The following SNAPC1 variants were observed in gnomAD, a reference collection of about 807,000 sequenced individuals.
The protein encoded by SNAPC1 is small nuclear RNA activating complex polypeptide 1.
SNAPC1 carries 42 observed loss-of-function variants against 50.1 expected under a neutral mutation model. That is an observed-to-expected ratio of 0.84 (90% confidence interval 0.65 to 1.08). The LOEUF (loss-of-function observed/expected upper bound fraction) is 1.08, where lower values mean the gene tolerates loss of function less well. Ranked by LOEUF, SNAPC1 falls within the 50% of genes least tolerant of loss-of-function variation. The pLI is 0.00. For missense variants in SNAPC1, 477 were observed against 427.3 expected (o/e 1.12, Z -1.02); for synonymous variants, 164 against 144.2 (o/e 1.14, Z -0.98).
At chr14:61,781,532 C>T (rs2045072911) in intron 7 of SNAPC1, among the ~76,000 whole-genome samples, 1 of 151,106 alleles carries the variant, frequency 6.6e-6, no homozygotes, top group Non-Finnish European at 1.5e-5. Flanking sequence ...AAATTCTTTG[C>T]TTAAGCAAGT....
chr14:61,794,880 C>A, intron 9 of SNAPC1, 69 bp from the exon 10 acceptor site: 3 of 1,008,892 alleles, frequency 3.0e-6, no homozygotes, highest in South Asian at 1.3e-5. Context: ...ATGTAAGTGT[C>A]AGTTGTTTTT....
chr14:61,763,212 C>T (rs1237764941), intron 1 of SNAPC1, among the ~76,000 whole-genome samples: 1 of 141,010 alleles, frequency 7.1e-6, no homozygotes, highest in African/African-American at 2.8e-5. Flanking sequence ...AGACTGGCCT[C>T]GAACTCCTGA....
chr14:61,778,777 A>G, intron 6 of SNAPC1, 71 bp from the exon 7 acceptor site: 1 of 876,382 alleles, frequency 1.1e-6, no homozygotes, highest in South Asian at 1.5e-5. Flanking sequence ...GATAATAAAT[A>G]CTTGGGTATT....
chr14:61,779,054 TC>T (rs1489688328), intron 7 of SNAPC1, 144 bp downstream of exon 7: 2 of 534,062 alleles, frequency 3.7e-6, no homozygotes, highest in Admixed American at 8.5e-5. Context: ...AGTCCCCTTC[TC>T]TGCCACTTCC....
chr14:61,781,154 T>G (rs1188046115), intron 7 of SNAPC1, among the ~76,000 whole-genome samples: 2 of 151,980 alleles, frequency 1.3e-5, no homozygotes, highest in African/African-American at 4.8e-5. Context: ...CGTGGTTGCT[T>G]TTTAAGAATT....
intron 7 of SNAPC1, among the ~76,000 whole-genome samples, chr14:61,780,158 C>G (rs2045061831): frequency 6.6e-6 from 1 of 152,140 alleles, no homozygotes. Context: ...ACTCCCTTGT[C>G]TAGGGGAGGA....
intron 8 of SNAPC1, among the ~76,000 whole-genome samples, chr14:61,789,165 A>C (rs1316766874): frequency 2.0e-5 from 3 of 147,862 alleles, no homozygotes; most frequent in South Asian, 2.3e-4. Flanking sequence ...CAGGAGACGG[A>C]GGTTGCAGTG....
At chr14:61,782,518 G>A (rs2045083345) in intron 8 of SNAPC1, 121 bp downstream of exon 8, 1 of 657,328 alleles carries the variant, frequency 1.5e-6, no homozygotes, top group African/African-American at 1.8e-5. Flanking sequence ...ATTTTTGTGA[G>A]ATTTAATATT....
intron 8 of SNAPC1, among the ~76,000 whole-genome samples, chr14:61,787,582 A>G (rs2045124111): frequency 6.6e-6 from 1 of 152,264 alleles, no homozygotes; most frequent in Non-Finnish European, 1.5e-5. Context: ...AGTGAGGTAC[A>G]GAACAGCTGG....
chr14:61,774,016 T>A (rs1161236436), intron 4 of SNAPC1, among the ~76,000 whole-genome samples: 2 of 152,192 alleles, frequency 1.3e-5, no homozygotes, highest in Non-Finnish European at 2.9e-5. Flanking sequence ...GCCCCCAGTT[T>A]TAAAAATAAG....
intron 1 of SNAPC1, among the ~76,000 whole-genome samples, chr14:61,764,319 G>C (rs1019837470): frequency 1.3e-5 from 2 of 152,120 alleles, no homozygotes; most frequent in Admixed American, 1.3e-4. Flanking sequence ...AACTTTTTCT[G>C]AACAAAATGT....
intron 4 of SNAPC1, among the ~76,000 whole-genome samples, chr14:61,774,648 A>ATTTTTTTTTTTT (rs35300490): frequency 1.1e-5 from 1 of 90,960 alleles, no homozygotes; most frequent in Non-Finnish European, 2.3e-5. Context: ...TCAGTTTCTC[A>ATTTTTTTTTTTT]TTTTTTTTTT....
intron 1 of SNAPC1, among the ~76,000 whole-genome samples, chr14:61,766,161 C>G (rs1272505153): frequency 6.6e-6 from 1 of 152,216 alleles, no homozygotes; most frequent in Non-Finnish European, 1.5e-5. Context: ...ATGTTCTTAG[C>G]TCCCACAATT....
intron 8 of SNAPC1, among the ~76,000 whole-genome samples, chr14:61,783,188 AATTTTTTTTTGT>A (rs2045090124): frequency 6.8e-6 from 1 of 146,934 alleles, no homozygotes; most frequent in African/African-American, 2.5e-5. Context: ...ATACCCAGCT[AATTTTTTTTTGT>A]ATTTTTTTTT....
At chr14:61,794,708 G>A (rs1052278307) in intron 9 of SNAPC1, among the ~76,000 whole-genome samples, 2 of 152,122 alleles carry the variant, frequency 1.3e-5, no homozygotes, top group Non-Finnish European at 2.9e-5. Context: ...GCACCTGGCC[G>A]ATAGTATGTT....
Position 61,762,679 on chromosome 14 carries a change from G to T in SNAPC1, c.128+91G>T, listed in dbSNP as rs1292612704. 3.4e-6 allele frequency: 5 copies of T among 1,459,800 alleles called. No individual in the cohort carries two copies. The East Asian group carries it at 1.2e-4, about 34-fold the overall frequency. The allele number at this position is 1,459,800 out of a possible 1,614,324, so 90.4% of individuals were successfully genotyped here. On this transcript the variant is annotated intron_variant, in intron 1 of 9. Coordinates refer to ENST00000216294, the MANE Select transcript of SNAPC1 (RefSeq NM_003082.4). Reference sequence around the variant, plus strand: ...CCCGGCGATATTGCACTTGTGAAGGGCTGAGAAGAGCGGCAGTCACCGAAG... The same window carrying T: ...CCCGGCGATATTGCACTTGTGAAGGTCTGAGAAGAGCGGCAGTCACCGAAG...
At chr14:61,794,842 A>G in intron 9 of SNAPC1, 107 bp from the exon 10 acceptor site, 1 of 770,908 alleles carries the variant, frequency 1.3e-6, no homozygotes, top group Non-Finnish European at 2.3e-6. Flanking sequence ...TATGTAGTTG[A>G]AATGTGTATT....
At chr14:61,785,378 C>T (rs529868430) in intron 8 of SNAPC1, among the ~76,000 whole-genome samples, 5 of 151,916 alleles carry the variant, frequency 3.3e-5, no homozygotes, top group Non-Finnish European at 5.9e-5. Context: ...CCTTTGCGCT[C>T]CAACCTGGGC....
At position 61,795,501 on chromosome 14, in the gene SNAPC1, C is replaced by A. The variant is rs1450079705; in HGVS notation, c.*518C>A. 1 of 145,162 alleles carries A rather than the reference C, an allele frequency of 6.9e-6. No individual in the cohort carries two copies. The highest frequency in any genetic ancestry group is 2.6e-5 in the African/African-American group (1 of 37,920). The allele number at this position is 145,162 out of a possible 1,614,324, so 9.0% of individuals were successfully genotyped here. A position where few individuals can be genotyped will look rare whatever the true frequency, so the allele number is the denominator to read the frequency against. ...ATACATAAAACTTACATTCTCATAACGTGATTGATAACTTAGGAAGTTCAC... is the reference window on the plus strand; with the variant it reads ...ATACATAAAACTTACATTCTCATAAAGTGATTGATAACTTAGGAAGTTCAC... On this transcript the variant is annotated 3_prime_UTR_variant, in exon 10 of 10. Transcript: ENST00000216294.
Sources: allele counts gnomAD v4.1 joint callset (sites outside exome capture counted in the v4.1 genomes callset), GRCh38; gene constraint gnomAD v4.1.1; transcripts MANE v1.5; gene names NCBI Gene and HGNC (gene_info 2026-07-23, HGNC 2026-07-21).